The following LMBR1 variants were observed in gnomAD, a reference collection of about 807,000 sequenced individuals.
The protein encoded by LMBR1 is limb development membrane protein 1, also known as limb region 1 protein homolog.
LMBR1 carries 52 observed loss-of-function variants against 73.9 expected under a neutral mutation model. The observed-to-expected ratio is 0.70, with a 90% CI of 0.56 to 0.89. The LOEUF (loss-of-function observed/expected upper bound fraction) is 0.89, where lower values mean the gene tolerates loss of function less well. Among genes scored for constraint, LMBR1 ranks in the 40% least tolerant of loss-of-function variants. The pLI is 0.00. For synonymous variants in LMBR1, 215 were observed against 209.4 expected, an observed-to-expected ratio of 1.03 and a Z score of -0.23; for missense variants, 539 against 579.8, an observed-to-expected ratio of 0.93 and a Z score of 0.72.
At chr7:156,672,230 A>G (rs1802698662) in intron 4 of LMBR1, among the ~76,000 whole-genome samples, 1 of 152,192 alleles carries the variant, frequency 6.6e-6, no homozygotes, top group Non-Finnish European at 1.5e-5. Flanking sequence ...GTTTCTTTCA[A>G]CAAGTGCCTA....
rs937945715 is a variant in LMBR1, at chr7:156,769,005, TCTC to T, written c.424-5213_424-5211del. On this transcript the variant is annotated intron_variant, in intron 5 of 16. Coordinates refer to ENST00000353442, the MANE Select transcript of LMBR1 (RefSeq NM_022458.4). The stretch of plus-strand genomic sequence containing the variant: ...TCTCACAAAAGCTGAGATATTCGCT[TCTC>T]CTCCTGGGGCCCTATACTGTTTATA... Among the ~76,000 whole-genome samples the T allele has an allele frequency of 1.6e-4, 24 of 152,198 alleles. No homozygotes were observed. Among genetic ancestry groups the T allele is most frequent in the African/African-American group, 5.8e-4 (24 of 41,532 alleles).
intron 15 of LMBR1, among the ~76,000 whole-genome samples, chr7:156,718,190 A>G (rs1366015861): frequency 6.6e-6 from 1 of 152,128 alleles, no homozygotes; most frequent in African/African-American, 2.4e-5. Flanking sequence ...ACTTGAGGTC[A>G]GGAGTTTCAG....
At chr7:156,869,641 G>T (rs1026430907) in intron 1 of LMBR1, among the ~76,000 whole-genome samples, 1 of 152,078 alleles carries the variant, frequency 6.6e-6, no homozygotes, top group African/African-American at 2.4e-5. Flanking sequence ...CAAAATGGCA[G>T]TAGTAAAATT....
At chr7:156,838,157 G>C (rs1158948590) in intron 1 of LMBR1, among the ~76,000 whole-genome samples, 1 of 152,042 alleles carries the variant, frequency 6.6e-6, no homozygotes, top group Non-Finnish European at 1.5e-5. Flanking sequence ...TTTAAAATAA[G>C]ATACATTGTG....
In LMBR1 at chr7:156,830,697, T is replaced by C. The variant is rs118101081; in HGVS notation, c.179+3056A>G. 9.2e-5 allele frequency among the ~76,000 whole-genome samples: 14 copies of C among 152,364 alleles called. No individual in the cohort carries two copies. The East Asian group carries it at 2.7e-3, about 29-fold the overall frequency. ...ATCAATAAACATTTGCTGCATGAAT[T>C]AGGCTTCCTAATACGTCACTCTAAA... On this transcript the variant is annotated intron_variant, in intron 3 of 16. Transcript: ENST00000353442.
At chr7:156,872,006 T>C (rs986453646) in intron 1 of LMBR1, 2 of 152,180 alleles carry the variant, frequency 1.3e-5, no homozygotes, top group African/African-American at 4.8e-5. Flanking sequence ...AACTGTCCAT[T>C]TGCATAAGAC....
intron 5 of LMBR1, among the ~76,000 whole-genome samples, chr7:156,790,451 G>A (rs1473551292): frequency 6.6e-6 from 1 of 151,934 alleles, no homozygotes; most frequent in Non-Finnish European, 1.5e-5. Context: ...TTGAAGTCCA[G>A]GTATTCTGAA....
intron 4 of LMBR1, among the ~76,000 whole-genome samples, chr7:156,815,443 C>T (rs368491633): frequency 6.6e-6 from 1 of 152,148 alleles, no homozygotes; most frequent in African/African-American, 2.4e-5. Context: ...CAATGTAGCA[C>T]AACTGTGCGT....
At chr7:156,704,065 G>A (rs1255942729) in intron 15 of LMBR1, among the ~76,000 whole-genome samples, 1 of 151,948 alleles carries the variant, frequency 6.6e-6, no homozygotes, top group African/African-American at 2.4e-5. Flanking sequence ...GGGTTACAAG[G>A]GGGCTGAGGG....
intron 15 of LMBR1, among the ~76,000 whole-genome samples, chr7:156,698,113 C>T (rs1298275198): frequency 6.6e-6 from 1 of 152,224 alleles, no homozygotes; most frequent in Non-Finnish European, 1.5e-5. Flanking sequence ...TCCAGCAGGG[C>T]AGTCAAATCT....
intron 1 of LMBR1, among the ~76,000 whole-genome samples, chr7:156,860,609 T>A (rs1190403002): frequency 2.0e-5 from 3 of 152,192 alleles, no homozygotes; most frequent in Non-Finnish European, 4.4e-5. Flanking sequence ...CAAAAGTCCA[T>A]GGTCCAAAGT....
intron 15 of LMBR1, among the ~76,000 whole-genome samples, chr7:156,717,232 T>C (rs1041225589): frequency 3.9e-5 from 6 of 152,216 alleles, no homozygotes; most frequent in African/African-American, 7.2e-5. Context: ...GCATTTACCA[T>C]ACGTCTCAAG....
chr7:156,837,486 T>A (rs1837871947), intron 1 of LMBR1, among the ~76,000 whole-genome samples: 1 of 149,314 alleles, frequency 6.7e-6, no homozygotes. Context: ...TGTGGAAATG[T>A]GAAGAATCAG....
intron 1 of LMBR1, among the ~76,000 whole-genome samples, chr7:156,855,845 A>G (rs1009657009): frequency 2.0e-5 from 3 of 152,180 alleles, no homozygotes; most frequent in Non-Finnish European, 4.4e-5. Context: ...AGCAAAAAGA[A>G]AGCTGTAAAA....
At chr7:156,833,579 A>G (rs578042537) in intron 3 of LMBR1, 174 bp downstream of exon 3, 76 of 567,974 alleles carry the variant, frequency 1.3e-4, no homozygotes, top group Non-Finnish European at 2.2e-4. Flanking sequence ...CCAATAGGAG[A>G]TTGGATTATC....
intron 8 of LMBR1, among the ~76,000 whole-genome samples, chr7:156,758,531 C>T (rs557715105): frequency 3.9e-5 from 6 of 152,130 alleles, no homozygotes; most frequent in Admixed American, 6.5e-5. Flanking sequence ...CATGAATAAC[C>T]GATTTGGTGC....
intron 9 of LMBR1, among the ~76,000 whole-genome samples, chr7:156,739,932 G>T (rs1313812922): frequency 6.6e-6 from 1 of 152,112 alleles, no homozygotes; most frequent in Non-Finnish European, 1.5e-5. Context: ...CCTGGAGAAA[G>T]AGAAATATAT....
chr7:156,808,968 T>C (rs1024977318), intron 4 of LMBR1, among the ~76,000 whole-genome samples: 1 of 152,242 alleles, frequency 6.6e-6, no homozygotes, highest in Non-Finnish European at 1.5e-5. Flanking sequence ...CGTTGTCATA[T>C]AACTTACTTG....
chr7:156,835,153 AAAG>A (rs1837390498), intron 2 of LMBR1, among the ~76,000 whole-genome samples: 1 of 152,004 alleles, frequency 6.6e-6, no homozygotes, highest in Non-Finnish European at 1.5e-5. Context: ...AAAACAAAAA[AAAG>A]AATACCACAA....
Sources: allele counts gnomAD v4.1 joint callset (sites outside exome capture counted in the v4.1 genomes callset), GRCh38; gene constraint gnomAD v4.1.1; transcripts MANE v1.5; gene names NCBI Gene and HGNC (gene_info 2026-07-23, HGNC 2026-07-21).